The following SLC41A3 variants were observed in gnomAD, a reference collection of about 807,000 sequenced individuals.
SLC41A3 encodes the protein SLC41A1-like 2.
In SLC41A3, 44 loss-of-function variants were observed where a neutral mutation model predicts 45.4. The observed-to-expected ratio is 0.97, with a 90% confidence interval of 0.76 to 1.25. The LOEUF is 1.25. SLC41A3 is among the 50% of genes most tolerant of loss of function. The probability of loss-of-function intolerance (pLI) is 0.00; values close to 1 mark genes in which losing one functional copy is unlikely to be tolerated. For missense variants in SLC41A3, 550 were observed against 600.6 expected (o/e 0.92, Z 0.88); for synonymous variants, 256 against 252.4 (o/e 1.01, Z -0.13).
intron 2 of SLC41A3, among the ~76,000 whole-genome samples, chr3:126,062,176 A>T (rs1226965932): frequency 6.6e-6 from 1 of 152,180 alleles, no homozygotes; most frequent in Non-Finnish European, 1.5e-5. Flanking sequence ...AAACCTGGGG[A>T]GAACAAAAGG....
chr3:126,006,682 C>G lies in SLC41A3; in HGVS notation c.*334G>C. ...ATGGGCATGGAAAAGAGCAAACACA[C>G]CCTGCAAAGCATACTGGACATGCCT... is the stretch of plus-strand genomic sequence containing the variant. On this transcript the variant is annotated 3_prime_UTR_variant, in exon 11 of 11. Coordinates refer to ENST00000360370, the MANE Select transcript of SLC41A3 (RefSeq NM_017836.4). 3 of 1,470,298 alleles carry G rather than the reference C, an allele frequency of 2.0e-6. No individual in the cohort carries two copies. Among genetic ancestry groups the G allele is most frequent in the Non-Finnish European group, 2.7e-6 (3 of 1,113,302 alleles). The allele number at this position is 1,470,298 out of a possible 1,614,324, so 91.1% of individuals were successfully genotyped here.
intron 4 of SLC41A3, among the ~76,000 whole-genome samples, chr3:126,028,800 T>C (rs1392859908): frequency 6.6e-6 from 1 of 152,250 alleles, no homozygotes; most frequent in African/African-American, 2.4e-5. Flanking sequence ...CCCAAGGACT[T>C]GGGAGCCCAC....
In SLC41A3 at chr3:126,022,443, G is replaced by A. The variant is rs567691068; in HGVS notation, c.745+343C>T. Among the ~76,000 whole-genome samples the A allele has an allele frequency of 4.7e-4, 72 of 152,352 alleles. 1 individual carries two copies. The Middle Eastern group carries it at 0.02, about 43-fold the overall frequency. The stretch of plus-strand genomic sequence containing the variant: ...GGCAGCATTTGGTGAGGGCCTTCTT[G>A]CTGGCGGGGACTCTGTGGTCTGGAG... On this transcript the variant is annotated intron_variant, in intron 6 of 10. Transcript: ENST00000360370.
intron 3 of SLC41A3, among the ~76,000 whole-genome samples, chr3:126,048,033 A>C (rs1449566428): frequency 2.0e-5 from 3 of 152,236 alleles, no homozygotes; most frequent in African/African-American, 4.8e-5. Flanking sequence ...CAACAACAGA[A>C]CAACCAAAAA....
At chr3:126,061,620 T>C (rs1023885412) in intron 2 of SLC41A3, among the ~76,000 whole-genome samples, 1 of 152,156 alleles carries the variant, frequency 6.6e-6, no homozygotes, top group African/African-American at 2.4e-5. Context: ...CCCTCACCTG[T>C]CCAGGGCTGG....
intron 2 of SLC41A3, among the ~76,000 whole-genome samples, chr3:126,064,792 C>A (rs1041056255): frequency 6.6e-6 from 1 of 152,266 alleles, no homozygotes; most frequent in Non-Finnish European, 1.5e-5. Flanking sequence ...AGTCCACCCA[C>A]AGAGCCCAGG....
chr3:126,056,974 C>T (rs1303548992), intron 2 of SLC41A3: 1 of 1,044,050 alleles, frequency 9.6e-7, no homozygotes, highest in Non-Finnish European at 1.2e-6. Context: ...CTGAAGCCCA[C>T]GTGGTGCCTG....
intron 6 of SLC41A3, among the ~76,000 whole-genome samples, chr3:126,017,254 C>T (rs1329912798): frequency 6.6e-6 from 1 of 152,214 alleles, no homozygotes; most frequent in Non-Finnish European, 1.5e-5. Context: ...CTCACCTTCT[C>T]GACAGCCCCT....
In SLC41A3 at chr3:126,008,640, C is replaced by T; in HGVS notation, c.1254+92G>A. The T allele has an allele frequency of 3.8e-6, 6 of 1,563,558 alleles. No homozygotes were observed. In the South Asian group the frequency reaches 5.8e-5, roughly 15 times the overall value. ...TGCCCCACACGTCCAGCCACCCCCACCCGCCTCCCTCAGCCTCTCACTCAG... is the reference window on the plus strand; with the variant it reads ...TGCCCCACACGTCCAGCCACCCCCATCCGCCTCCCTCAGCCTCTCACTCAG... On this transcript the variant is annotated intron_variant, in intron 10 of 10. Transcript: ENST00000360370.
intron 1 of SLC41A3, among the ~76,000 whole-genome samples, chr3:126,082,986 G>A (rs1945238996): frequency 6.6e-6 from 1 of 152,212 alleles, no homozygotes; most frequent in African/African-American, 2.4e-5. Context: ...CCCCTTTCTA[G>A]GTCTGTGACC....
chr3:126,026,368 C>T lies in SLC41A3; in HGVS notation c.565G>A (p.Val189Ile). 2.5e-6 allele frequency: 4 copies of T among 1,573,686 alleles called. No individual in the cohort carries two copies. Among genetic ancestry groups the T allele is most frequent in the Non-Finnish European group, 3.5e-6 (4 of 1,158,428 alleles). The change falls in exon 5 of 11, where the codon GTC (valine) becomes ATC (isoleucine). Residue 189 changes from valine to isoleucine, a missense_variant. Transcript: ENST00000360370. This position sits in a 1 kb window ranked among gnomAD's most constrained non-coding sequence, Gnocchi z 4.2. ...AKVELLCASS[V>I]LTAFLAAFAL... Reference sequence around the variant, plus strand: ...AAGGCTGCAAGGAAGGCAGTGAGGACACTGCTGGCACACAGCAACTCCACC... The same window carrying T: ...AAGGCTGCAAGGAAGGCAGTGAGGATACTGCTGGCACACAGCAACTCCACC...
intron 1 of SLC41A3, among the ~76,000 whole-genome samples, chr3:126,099,964 T>C (rs1366417587): frequency 6.6e-6 from 1 of 152,188 alleles, no homozygotes; most frequent in African/African-American, 2.4e-5. Context: ...CTAATGGATG[T>C]GCAGTCCAAC....
chr3:126,079,508 A>G (rs1945048152), intron 1 of SLC41A3, among the ~76,000 whole-genome samples: 1 of 152,196 alleles, frequency 6.6e-6, no homozygotes, highest in Non-Finnish European at 1.5e-5. Flanking sequence ...AGAAACTGAC[A>G]CAGGATGGGA....
In SLC41A3 at chr3:126,006,794, T is replaced by G; in HGVS notation, c.*222A>C. ...TCATTAAGCATGTGCACACATCATATTCACACACTCAAGCCATGCTCTTGA... is the reference window on the plus strand; with the variant it reads ...TCATTAAGCATGTGCACACATCATAGTCACACACTCAAGCCATGCTCTTGA... On this transcript the variant is annotated 3_prime_UTR_variant, in exon 11 of 11. Coordinates refer to ENST00000360370, the MANE Select transcript of SLC41A3 (RefSeq NM_017836.4). 1.4e-6 allele frequency: 2 copies of G among 1,443,464 alleles called. No individual in the cohort carries two copies. Among genetic ancestry groups the G allele is most frequent in the Non-Finnish European group, 1.8e-6 (2 of 1,104,848 alleles). 89.4% of individuals were successfully genotyped at this position (1,443,464 alleles called of 1,614,324 possible). A position where few individuals can be genotyped will look rare whatever the true frequency, so the allele number is the denominator to read the frequency against.
In SLC41A3 at chr3:126,012,673, G is replaced by C. The variant is rs773547702; in HGVS notation, c.1047C>G (p.Val349=). 14 of 1,614,102 alleles carry C rather than the reference G, an allele frequency of 8.7e-6. No homozygotes were observed. The highest frequency in any genetic ancestry group is 2.2e-5 in the East Asian group (1 of 44,902). The stretch of plus-strand genomic sequence containing the variant: ...AGAATTTCTTCATCTGGAGGGGCAG[G>C]ACGCCAGGTGCACTCCACATGTGCA... ...TYLHMWSAPG[V]LPLQMKKFWP... The change falls in exon 9 of 11, where the codon GTC becomes GTG. Residue 349 remains valine, a synonymous_variant. Coordinates refer to ENST00000360370, the MANE Select transcript of SLC41A3 (RefSeq NM_017836.4).
chr3:126,008,697 A>C, intron 10 of SLC41A3, 35 bp downstream of exon 10: 3 of 1,607,486 alleles, frequency 1.9e-6, no homozygotes, highest in Non-Finnish European at 2.6e-6. Flanking sequence ...CTGACTACAC[A>C]GCTGCGCACC....
At chr3:126,098,429 T>C (rs1488628766) in intron 1 of SLC41A3, among the ~76,000 whole-genome samples, 2 of 152,242 alleles carry the variant, frequency 1.3e-5, no homozygotes, top group Non-Finnish European at 2.9e-5. Context: ...ATAAGTGTAT[T>C]GTTTAAGCCC....
chr3:126,006,969 G>A lies in SLC41A3; in HGVS notation c.*47C>T. On this transcript the variant is annotated 3_prime_UTR_variant, in exon 11 of 11. Coordinates refer to ENST00000360370, the MANE Select transcript of SLC41A3 (RefSeq NM_017836.4). ...GAGAAACTGAATTCTGTATCCCACT[G>A]ATGTGAGAGGAAATTCTAATGAGCA... 1 of 1,612,902 alleles carries A rather than the reference G, an allele frequency of 6.2e-7. No individual in the cohort carries two copies. The highest frequency in any genetic ancestry group is 8.5e-7 in the Non-Finnish European group (1 of 1,179,216).
In SLC41A3 at chr3:126,006,905, G is replaced by A. The variant is rs1006558213; in HGVS notation, c.*111C>T. The stretch of plus-strand genomic sequence containing the variant: ...CTTAGCAGACTCACAAAAGGCTACT[G>A]CAGAGGCAGGGGTCAACCATCCCAA... On this transcript the variant is annotated 3_prime_UTR_variant, in exon 11 of 11. Coordinates refer to ENST00000360370, the MANE Select transcript of SLC41A3 (RefSeq NM_017836.4). 6 of 1,554,826 alleles carry A rather than the reference G, an allele frequency of 3.9e-6. No homozygotes were observed. In the African/African-American group the frequency reaches 8.2e-5, roughly 21 times the overall value.
Sources: gnomAD v4.1 joint callset for allele counts (sites outside exome capture counted in the v4.1 genomes callset) on GRCh38, gnomAD v4.1.1 for gene constraint, Gnocchi (gnomAD v3.1) non-coding constraint, MANE v1.5 for transcripts, NCBI Gene and HGNC (gene_info 2026-07-23, HGNC 2026-07-21) for gene names.